Variants in SORCS3 observed in about 807,000 individuals in gnomAD.
The protein encoded by SORCS3 is VPS10 domain-containing receptor SorCS3.
Under a neutral mutation model 146.3 loss-of-function variants are expected in SORCS3, and 57 were observed. The ratio of observed to expected loss-of-function variants is 0.39; its 90% confidence interval spans 0.31 to 0.49. The LOEUF is 0.49. SORCS3 is among the 20% of genes least tolerant of loss of function. The probability of loss-of-function intolerance (pLI) is 0.92; values close to 1 mark genes in which losing one functional copy is unlikely to be tolerated. For synonymous variants in SORCS3, 653 were observed against 618.5 expected (o/e 1.06, Z -0.83); for missense variants, 1,341 against 1,575.5 (o/e 0.85, Z 2.52).
intron 1 of SORCS3, among the ~76,000 whole-genome samples, chr10:104,779,793 C>T (rs1316850714): frequency 6.6e-6 from 1 of 152,174 alleles, no homozygotes; most frequent in Non-Finnish European, 1.5e-5. Flanking sequence ...AGGTGAGGGC[C>T]TCTTCATTCC....
At chr10:105,063,357 CTG>C (rs2055500622) in intron 5 of SORCS3, among the ~76,000 whole-genome samples, 1 of 152,176 alleles carries the variant, frequency 6.6e-6, no homozygotes, top group South Asian at 2.1e-4. Context: ...GATAAGGAAA[CTG>C]AGCCCCAGGG....
chr10:104,897,516 T>C (rs970045153), intron 2 of SORCS3, among the ~76,000 whole-genome samples: 9 of 152,236 alleles, frequency 5.9e-5, no homozygotes, highest in Non-Finnish European at 1.2e-4. Context: ...TAGTTGAAGT[T>C]ATCAATGTAC....
chr10:105,110,627 T>C (rs1367093513), intron 7 of SORCS3, among the ~76,000 whole-genome samples: 1 of 152,096 alleles, frequency 6.6e-6, no homozygotes, highest in Admixed American at 6.6e-5. Context: ...TCTCTGTGAG[T>C]GGGTCCTTCT....
chr10:105,192,853 G>T (rs2056523957), intron 14 of SORCS3, among the ~76,000 whole-genome samples: 1 of 152,092 alleles, frequency 6.6e-6, no homozygotes, highest in Admixed American at 6.6e-5. Context: ...TAATTGGGAG[G>T]CTACAAAAGA....
chr10:104,706,035 G>A (rs949972647), intron 1 of SORCS3, among the ~76,000 whole-genome samples: 2 of 151,996 alleles, frequency 1.3e-5, no homozygotes, highest in Non-Finnish European at 2.9e-5. Context: ...ATTTCTTGCC[G>A]AGGCTGCTAG....
At chr10:104,929,042 G>A (rs1489323294) in intron 3 of SORCS3, among the ~76,000 whole-genome samples, 1 of 152,184 alleles carries the variant, frequency 6.6e-6, no homozygotes, top group Admixed American at 6.5e-5. Flanking sequence ...GGTCAGTTTA[G>A]AGCTCCTTAA....
At chr10:105,112,611 A>G in intron 7 of SORCS3, among the ~76,000 whole-genome samples, 1 of 152,142 alleles carries the variant, frequency 6.6e-6, no homozygotes, top group Non-Finnish European at 1.5e-5. Context: ...CAGTCTATCA[A>G]AGAATGGCCT....
chr10:104,745,993 A>C (rs987832748), intron 1 of SORCS3, among the ~76,000 whole-genome samples: 1 of 152,156 alleles, frequency 6.6e-6, no homozygotes, highest in Non-Finnish European at 1.5e-5. Flanking sequence ...GTGGACACTT[A>C]GGTTGCATCC....
chr10:104,899,040 T>G (rs184553871), intron 2 of SORCS3, among the ~76,000 whole-genome samples: 2 of 152,196 alleles, frequency 1.3e-5, no homozygotes, highest in Non-Finnish European at 2.9e-5. Flanking sequence ...TCTCAAGATA[T>G]GCTGTGTTTT....
chr10:104,793,414 T>A (rs1004310525), intron 1 of SORCS3, among the ~76,000 whole-genome samples: 9 of 152,192 alleles, frequency 5.9e-5, no homozygotes, highest in African/African-American at 2.2e-4. Context: ...AAATGAAATT[T>A]GACAATATGT....
intron 1 of SORCS3, among the ~76,000 whole-genome samples, chr10:104,696,510 A>AC (rs1311871219): frequency 4.5e-5 from 4 of 89,168 alleles, no homozygotes; most frequent in African/African-American, 2.0e-4. Flanking sequence ...TATAATATAT[A>AC]ATATATAATA....
intron 4 of SORCS3, among the ~76,000 whole-genome samples, chr10:105,037,861 C>T (rs538622596): frequency 1.3e-5 from 2 of 152,258 alleles, no homozygotes; most frequent in South Asian, 4.2e-4. Flanking sequence ...ACAGGCTTTC[C>T]GGGTACAGTC....
At chr10:104,819,211 G>T (rs1422034145) in intron 1 of SORCS3, among the ~76,000 whole-genome samples, 1 of 152,160 alleles carries the variant, frequency 6.6e-6, no homozygotes, top group Non-Finnish European at 1.5e-5. Flanking sequence ...ATAAAATGCA[G>T]ATTTCCAGGC....
intron 20 of SORCS3, among the ~76,000 whole-genome samples, chr10:105,227,722 G>T (rs986353189): frequency 5.9e-5 from 9 of 151,898 alleles, no homozygotes; most frequent in Admixed American, 5.3e-4. Flanking sequence ...TCTGGGTGCT[G>T]GGGTATTGGG....
intron 4 of SORCS3, among the ~76,000 whole-genome samples, chr10:105,004,166 A>G (rs560557738): frequency 6.6e-6 from 1 of 152,300 alleles, no homozygotes; most frequent in South Asian, 2.1e-4. Flanking sequence ...GCCTGACAGC[A>G]TGGACTATGT....
At chr10:105,128,107 T>C (rs971688881) in intron 7 of SORCS3, among the ~76,000 whole-genome samples, 34 of 152,142 alleles carry the variant, frequency 2.2e-4, no homozygotes, top group African/African-American at 8.0e-4. Context: ...TGGTATTTCC[T>C]TCATGGGGTC....
intron 2 of SORCS3, among the ~76,000 whole-genome samples, chr10:104,902,315 C>T (rs962661083): frequency 2.6e-5 from 4 of 152,170 alleles, no homozygotes; most frequent in Admixed American, 1.3e-4. Context: ...CCCAGTTGAG[C>T]ACTCCCTTTA....
chr10:104,841,925 G>A (rs946336698), intron 1 of SORCS3, among the ~76,000 whole-genome samples: 2 of 152,190 alleles, frequency 1.3e-5, no homozygotes, highest in African/African-American at 2.4e-5. Flanking sequence ...ATCGATTCAG[G>A]TGCACGCACT....
chr10:104,877,660 A>G (rs965154628), intron 2 of SORCS3, among the ~76,000 whole-genome samples: 2 of 152,182 alleles, frequency 1.3e-5, no homozygotes, highest in Admixed American at 1.3e-4. Flanking sequence ...ATGCAAGGCC[A>G]TTTAAGGGAA....
Sources: allele counts gnomAD v4.1 joint callset (sites outside exome capture counted in the v4.1 genomes callset), GRCh38; gene constraint gnomAD v4.1.1; transcripts MANE v1.5; gene names NCBI Gene and HGNC (gene_info 2026-07-23, HGNC 2026-07-21).